Variants in PARD3 observed in about 807,000 individuals in gnomAD.
PARD3 encodes partitioning defective 3 homolog.
In PARD3, 75 loss-of-function variants were observed where a neutral mutation model predicts 155.4. The ratio of observed to expected loss-of-function variants is 0.48; its 90% CI spans 0.40 to 0.58. The LOEUF (loss-of-function observed/expected upper bound fraction) is 0.58. PARD3 is among the 20% of genes least tolerant of loss of function. The probability of loss-of-function intolerance (pLI) is 0.00; values close to 1 mark genes in which losing one functional copy is unlikely to be tolerated. For missense variants in PARD3, 1,642 were observed against 1,721.7 expected (o/e 0.95, Z 0.82); for synonymous variants, 576 against 610.5 (o/e 0.94, Z 0.83).
At chr10:34,371,349 C>T (rs1282925944) in intron 12 of PARD3, among the ~76,000 whole-genome samples, 1 of 151,378 alleles carries the variant, frequency 6.6e-6, no homozygotes, top group Non-Finnish European at 1.5e-5. Context: ...GGAATATTCT[C>T]AAGGTTGTTT....
intron 22 of PARD3, among the ~76,000 whole-genome samples, chr10:34,183,380 A>C (rs1950349735): frequency 6.6e-6 from 1 of 152,186 alleles, no homozygotes; most frequent in African/African-American, 2.4e-5. Context: ...AGGCAGATAG[A>C]AAGGGTAAAA....
chr10:34,611,089 G>A (rs2090857380), intron 2 of PARD3, among the ~76,000 whole-genome samples: 1 of 152,064 alleles, frequency 6.6e-6, no homozygotes, highest in Non-Finnish European at 1.5e-5. Context: ...CTATGTTAAC[G>A]ATGCATTCCA....
At chr10:34,729,105 T>G (rs2094770934) in intron 1 of PARD3, among the ~76,000 whole-genome samples, 1 of 152,200 alleles carries the variant, frequency 6.6e-6, no homozygotes, top group African/African-American at 2.4e-5. Flanking sequence ...TAGGTTTGTG[T>G]AAGTTCACCC....
intron 22 of PARD3, among the ~76,000 whole-genome samples, chr10:34,216,315 T>G (rs1028470131): frequency 2.6e-5 from 4 of 152,204 alleles, no homozygotes; most frequent in African/African-American, 7.2e-5. Context: ...GATGATCTCT[T>G]TGGAAATTTT....
At chr10:34,687,006 G>A (rs565625132) in intron 2 of PARD3, among the ~76,000 whole-genome samples, 7 of 151,704 alleles carry the variant, frequency 4.6e-5, no homozygotes, top group East Asian at 3.9e-4. Context: ...CCGAGACAGC[G>A]CCACTGCACT....
intron 12 of PARD3, among the ~76,000 whole-genome samples, chr10:34,369,405 C>T (rs1293508954): frequency 6.6e-6 from 1 of 151,938 alleles, no homozygotes; most frequent in Non-Finnish European, 1.5e-5. Context: ...CAAGACAATT[C>T]TTCTTCCAGT....
chr10:34,583,811 A>C (rs1441549981), intron 2 of PARD3, among the ~76,000 whole-genome samples: 1 of 152,228 alleles, frequency 6.6e-6, no homozygotes, highest in East Asian at 1.9e-4. Flanking sequence ...TACCGGAAGC[A>C]GAATGTTCTT....
chr10:34,766,213 T>C (rs1334367192), intron 1 of PARD3, among the ~76,000 whole-genome samples: 1 of 152,228 alleles, frequency 6.6e-6, no homozygotes, highest in Non-Finnish European at 1.5e-5. Flanking sequence ...TTATTACTTG[T>C]ATTTTATCAG....
chr10:34,737,980 A>C (rs2094945849), intron 1 of PARD3, among the ~76,000 whole-genome samples: 1 of 152,222 alleles, frequency 6.6e-6, no homozygotes, highest in African/African-American at 2.4e-5. Flanking sequence ...CAGGAGGAAG[A>C]AGGCAACAGC....
At chr10:34,442,514 G>A (rs1350021846) in intron 5 of PARD3, among the ~76,000 whole-genome samples, 2 of 152,184 alleles carry the variant, frequency 1.3e-5, no homozygotes, top group Non-Finnish European at 2.9e-5. Context: ...AGGAGGCGAG[G>A]CTACGCATTC....
chr10:34,235,593 CGTTTAGTTACTGAGTTCTA>C (rs1208202981), intron 22 of PARD3, among the ~76,000 whole-genome samples: 2 of 152,174 alleles, frequency 1.3e-5, no homozygotes, highest in Non-Finnish European at 2.9e-5. Flanking sequence ...CTACCACTGA[CGTTTAGTTACTGAGTTCTA>C]ATGACTGACA....
chr10:34,156,840 T>G (rs1949031482), intron 22 of PARD3, among the ~76,000 whole-genome samples: 1 of 98,410 alleles, frequency 1.0e-5, no homozygotes, highest in African/African-American at 3.8e-5. Context: ...GGAAAACAGC[T>G]TCTGCACATT....
At chr10:34,597,081 G>A (rs538261680) in intron 2 of PARD3, among the ~76,000 whole-genome samples, 4 of 152,198 alleles carry the variant, frequency 2.6e-5, no homozygotes, top group African/African-American at 4.8e-5. Flanking sequence ...TGGGTGTTAC[G>A]CTGGAGCAGG....
chr10:34,632,925 C>A (rs1214448056), intron 2 of PARD3, among the ~76,000 whole-genome samples: 3 of 152,304 alleles, frequency 2.0e-5, no homozygotes, highest in Non-Finnish European at 2.9e-5. Context: ...CGGGGAGGAA[C>A]CGAGGAGGCT....
intron 2 of PARD3, among the ~76,000 whole-genome samples, chr10:34,624,851 T>A (rs531222916): frequency 1.4e-3 from 206 of 152,346 alleles, no homozygotes; most frequent in Middle Eastern, 3.4e-3. Flanking sequence ...AGACAAGCTC[T>A]GAGAAAGCCT....
At chr10:34,547,076 C>T (rs996822106) in intron 2 of PARD3, among the ~76,000 whole-genome samples, 6 of 152,168 alleles carry the variant, frequency 3.9e-5, no homozygotes, top group Non-Finnish European at 5.9e-5. Flanking sequence ...TAGACCACAA[C>T]GGCTGATGAA....
chr10:34,710,267 TC>T (rs1488137528), intron 1 of PARD3, among the ~76,000 whole-genome samples: 1 of 152,214 alleles, frequency 6.6e-6, no homozygotes, highest in Non-Finnish European at 1.5e-5. Flanking sequence ...CTTTGTTTCA[TC>T]CCTAGTTTGA....
chr10:34,634,852 A>G (rs1446675118), intron 2 of PARD3, among the ~76,000 whole-genome samples: 1 of 152,206 alleles, frequency 6.6e-6, no homozygotes, highest in African/African-American at 2.4e-5. Context: ...TGCTGGGAAC[A>G]AAAGGCATCA....
chr10:34,221,064 G>A (rs1018751076), intron 22 of PARD3, among the ~76,000 whole-genome samples: 8 of 152,176 alleles, frequency 5.3e-5, no homozygotes. Flanking sequence ...CATCTGCTAT[G>A]AGCAGGACCT....
Sources: allele counts gnomAD v4.1 joint callset (sites outside exome capture counted in the v4.1 genomes callset), GRCh38; gene constraint gnomAD v4.1.1; transcripts MANE v1.5; gene names NCBI Gene and HGNC (gene_info 2026-07-23, HGNC 2026-07-21).